EDA: variants seen among roughly 807,000 people sequenced by gnomAD.
The protein encoded by EDA is ectodysplasin A, also known as ectodysplasin-A.
Under a neutral mutation model 23.6 loss-of-function variants are expected in EDA, and 2 were observed. The ratio of observed to expected loss-of-function variants is 0.08; its 90% CI spans 0.03 to 0.27. The LOEUF (loss-of-function observed/expected upper bound fraction) is 0.27, where lower values mean the gene tolerates loss of function less well. Among genes scored for constraint, EDA ranks in the 10% least tolerant of loss-of-function variants. EDA has a pLI of 1.00. For missense variants in EDA, 229 were observed against 324.2 expected (o/e 0.71, Z 2.26); for synonymous variants, 131 against 132.0 (o/e 0.99, Z 0.05).
intron 1 of EDA, among the ~76,000 whole-genome samples, chrX:69,793,576 T>G (rs1255057929): frequency 2.3e-4 from 23 of 101,204 alleles, no homozygotes; most frequent in Non-Finnish European, 4.0e-4. Flanking sequence ...TTTTGTTTTT[T>G]TTTTTTTTTT....
At chrX:69,909,813 GT>G (rs1240014267) in intron 1 of EDA, among the ~76,000 whole-genome samples, 5 of 112,376 alleles carry the variant, frequency 4.4e-5, no homozygotes, top group African/African-American at 1.6e-4. Context: ...CATTTAGGAT[GT>G]CACCTGAAAA....
At chrX:69,679,333 T>C (rs1260513727) in intron 1 of EDA, among the ~76,000 whole-genome samples, 2 of 106,767 alleles carry the variant, frequency 1.9e-5, no homozygotes, top group Non-Finnish European at 3.9e-5. Flanking sequence ...GATGCTGGCC[T>C]CATAAAATGA....
At chrX:69,784,846 G>A (rs1215727234) in intron 1 of EDA, among the ~76,000 whole-genome samples, 1 of 110,134 alleles carries the variant, frequency 9.1e-6, no homozygotes, top group Non-Finnish European at 1.9e-5. Flanking sequence ...TTGGTAGCTT[G>A]ATGGGGATGG....
At position 70,026,831 on chromosome X, in the gene EDA, C is replaced by T. The variant is rs1007395217; in HGVS notation, c.527-1026C>T. On this transcript the variant is annotated intron_variant, in intron 3 of 7. Transcript: ENST00000374552. ...CTCTGTCTCTGCTTCTTTCCTGTTTCTCAATATCTCTCTCTCTCCCTCCTC... is the reference window on the plus strand; with the variant it reads ...CTCTGTCTCTGCTTCTTTCCTGTTTTTCAATATCTCTCTCTCTCCCTCCTC... Among the ~76,000 whole-genome samples, 61 of 110,617 alleles carry T rather than the reference C, an allele frequency of 5.5e-4. 2 individuals are homozygous for T. Among genetic ancestry groups the T allele is most frequent in the Admixed American group, 1.5e-3 (16 of 10,404 alleles).
chrX:69,702,554 G>A (rs1433134057), intron 1 of EDA, among the ~76,000 whole-genome samples: 1 of 110,184 alleles, frequency 9.1e-6, no homozygotes, highest in Non-Finnish European at 1.9e-5. Flanking sequence ...GGAAGATGGC[G>A]ACTGAGAAGA....
intron 2 of EDA, among the ~76,000 whole-genome samples, chrX:69,988,790 C>T (rs1326754104): frequency 2.7e-5 from 3 of 110,548 alleles, no homozygotes; most frequent in African/African-American, 6.6e-5. Flanking sequence ...CGGGAGGTGG[C>T]GGTTGCAGTG....
chrX:69,702,730 G>A (rs142719250), intron 1 of EDA, among the ~76,000 whole-genome samples: 1,530 of 110,972 alleles, frequency 0.014, 18 homozygotes, highest in African/African-American at 0.045. Flanking sequence ...GAATTGCCGA[G>A]GTTGGGTTGT....
intron 1 of EDA, among the ~76,000 whole-genome samples, chrX:69,915,132 G>A (rs1411587132): frequency 9.0e-6 from 1 of 111,365 alleles, no homozygotes; most frequent in Non-Finnish European, 1.9e-5. Flanking sequence ...ACCCTTATAG[G>A]AAATTTTACC....
At chrX:69,723,049 A>T (rs1012873418) in intron 1 of EDA, among the ~76,000 whole-genome samples, 2 of 112,044 alleles carry the variant, frequency 1.8e-5, no homozygotes, top group Non-Finnish European at 3.8e-5. Flanking sequence ...GTACAGTCAT[A>T]ACTTCACCTT....
At chrX:69,912,769 CTT>C (rs750059116) in intron 1 of EDA, among the ~76,000 whole-genome samples, 12,810 of 79,073 alleles carry the variant, frequency 0.16, 927 homozygotes, top group Non-Finnish European at 0.23. Context: ...TTTTTCTTTT[CTT>C]TTTTTTTTTT....
At chrX:69,748,402 C>G (rs1569316846) in intron 1 of EDA, among the ~76,000 whole-genome samples, 1 of 111,537 alleles carries the variant, frequency 9.0e-6, no homozygotes, top group Non-Finnish European at 1.9e-5. Context: ...TCCGACTACT[C>G]ATGACCACAG....
At position 69,779,500 on chromosome X, in the gene EDA, C is replaced by A. The variant is rs915373041; in HGVS notation, c.396+162796C>A. 9.0e-5 allele frequency among the ~76,000 whole-genome samples: 10 copies of A among 110,743 alleles called. No individual in the cohort carries two copies. In the Admixed American group the frequency reaches 9.6e-4, roughly 11 times the overall value. ...AAATCCATAGAGATAGAAAGCAGATCAGTGGTTTCTAAGGACTGGAGGTAG... is the reference window on the plus strand; with the variant it reads ...AAATCCATAGAGATAGAAAGCAGATAAGTGGTTTCTAAGGACTGGAGGTAG... On this transcript the variant is annotated intron_variant, in intron 1 of 7. Transcript: ENST00000374552.
chrX:69,916,451 G>GGAGT (rs2030529740), intron 1 of EDA, among the ~76,000 whole-genome samples: 1 of 88,094 alleles, frequency 1.1e-5, no homozygotes, highest in Non-Finnish European at 2.1e-5. Flanking sequence ...CACCCAGGCT[G>GGAGT]GAGTGCAGTG....
intron 2 of EDA, among the ~76,000 whole-genome samples, chrX:69,975,040 G>A (rs2019297597): frequency 8.9e-6 from 1 of 111,973 alleles, no homozygotes; most frequent in Non-Finnish European, 1.9e-5. Flanking sequence ...TTCAACCACT[G>A]TGGAAAGCAG....
At position 69,862,466 on chromosome X, in the gene EDA, A is replaced by G. The variant is rs1174634499; in HGVS notation, c.397-94561A>G. Among the ~76,000 whole-genome samples, 3 of 111,633 alleles carry G rather than the reference A, an allele frequency of 2.7e-5. No homozygotes were observed. In the East Asian group the frequency reaches 8.5e-4, roughly 32 times the overall value. ...TTGTGAACATACATATTTTCTTGAG[A>G]CAGAGTCTCACTTTGTCACCCATGC... On this transcript the variant is annotated intron_variant, in intron 1 of 7. Transcript: ENST00000374552.
At chrX:69,648,597 C>G (rs1157512414) in intron 1 of EDA, among the ~76,000 whole-genome samples, 6 of 112,349 alleles carry the variant, frequency 5.3e-5, no homozygotes, top group Non-Finnish European at 1.1e-4. Context: ...GGCCGCCCCT[C>G]CCCACAGGAG....
chrX:70,033,574 A>G (rs1357716700), intron 7 of EDA, 46 bp downstream of exon 7: 2 of 1,197,568 alleles, frequency 1.7e-6, no homozygotes, highest in Non-Finnish European at 1.1e-6. Context: ...CAGAATGCAG[A>G]TCCGGTGCAG....
rs1050416106 is a variant in EDA, at chrX:69,827,427, C to T, written c.397-129600C>T. ...TTTATTCTTTTTTCTCTAAACTTCC[C>T]TTCTCGCTTCATTTCATTCATTTCA... On this transcript the variant is annotated intron_variant, in intron 1 of 7. Transcript: ENST00000374552. Among the ~76,000 whole-genome samples the T allele has an allele frequency of 9.9e-4, 110 of 111,454 alleles. 1 individual carries two copies. The highest frequency in any genetic ancestry group is 1.8e-3 in the Non-Finnish European group (97 of 53,139).
chrX:69,753,056 T>C (rs2013953935), intron 1 of EDA, among the ~76,000 whole-genome samples: 1 of 108,476 alleles, frequency 9.2e-6, no homozygotes, highest in Non-Finnish European at 1.9e-5. Context: ...TTTTGAAGGG[T>C]TTTTTGTGTC....
Sources: gnomAD v4.1 joint callset for allele counts (sites outside exome capture counted in the v4.1 genomes callset) on GRCh38, gnomAD v4.1.1 for gene constraint, MANE v1.5 for transcripts, NCBI Gene and HGNC (gene_info 2026-07-23, HGNC 2026-07-21) for gene names.